The following ZFAT variants were observed in gnomAD, a reference collection of about 807,000 sequenced individuals.
The protein encoded by ZFAT is zinc finger protein ZFAT.
Under a neutral mutation model 117.7 loss-of-function variants are expected in ZFAT, and 64 were observed. The observed-to-expected ratio is 0.54, with a 90% CI of 0.44 to 0.67. The LOEUF (loss-of-function observed/expected upper bound fraction) is 0.67, where lower values mean the gene tolerates loss of function less well. Ranked by LOEUF, ZFAT falls within the 30% of genes least tolerant of loss-of-function variation. The pLI, the probability that ZFAT is intolerant of heterozygous loss-of-function variation, is 0.00. For synonymous variants in ZFAT, 679 were observed against 615.0 expected (o/e 1.10, Z -1.54); for missense variants, 1,433 against 1,584.5 (o/e 0.90, Z 1.62).
chr8:134,680,476 G>T (rs962772201), intron 1 of ZFAT, among the ~76,000 whole-genome samples: 1 of 152,080 alleles, frequency 6.6e-6, no homozygotes, highest in Non-Finnish European at 1.5e-5. Flanking sequence ...ACATATTTGA[G>T]TACCTTTTTT....
intron 1 of ZFAT, among the ~76,000 whole-genome samples, chr8:134,668,083 C>T (rs924457336): frequency 6.6e-6 from 1 of 152,178 alleles, no homozygotes; most frequent in Non-Finnish European, 1.5e-5. Context: ...ATTGCTGAGG[C>T]TTGAGTAGGT....
intron 1 of ZFAT, among the ~76,000 whole-genome samples, chr8:134,661,869 A>G (rs1831950766): frequency 6.6e-6 from 1 of 152,166 alleles, no homozygotes; most frequent in South Asian, 2.1e-4. Context: ...AGGCAGCGCA[A>G]GACGGGGTGG....
At chr8:134,683,263 C>CA (rs1488560893) in intron 1 of ZFAT, among the ~76,000 whole-genome samples, 2 of 152,094 alleles carry the variant, frequency 1.3e-5, no homozygotes, top group Admixed American at 1.3e-4. Context: ...GTGTCAGACA[C>CA]AAAGATATGA....
rs966951803 is a variant in ZFAT, at chr8:134,634,952, T to C, written c.448+2509A>G. ...CTGTTCCACCTCAGATCTCAAGCAT[T>C]AGATTCTCAATAAGGAGCACGCAAC... is the stretch of plus-strand genomic sequence containing the variant. On this transcript the variant is annotated intron_variant, in intron 3 of 15. Transcript: ENST00000377838. Among the ~76,000 whole-genome samples, 5 of 152,184 alleles carry C rather than the reference T, an allele frequency of 3.3e-5. No individual in the cohort carries two copies. In the South Asian group the frequency reaches 1.0e-3, roughly 32 times the overall value.
rs151134115 is a variant in ZFAT at position 134,548,991 on chromosome 8, C to T, written c.2977-16019G>A. Among the ~76,000 whole-genome samples, 647 of 152,332 alleles carry T rather than the reference C, an allele frequency of 4.2e-3. 2 individuals carry two copies. The highest frequency in any genetic ancestry group is 6.5e-3 in the Non-Finnish European group (445 of 68,034). On this transcript the variant is annotated intron_variant, in intron 11 of 15. Transcript: ENST00000377838. The stretch of plus-strand genomic sequence containing the variant: ...CGTCACTACTCCACGTTAACTGTGC[C>T]CACGAGAAACTTCTTTTCCACTCGG...
intron 1 of ZFAT, among the ~76,000 whole-genome samples, chr8:134,663,958 C>T (rs985386927): frequency 6.6e-6 from 1 of 152,248 alleles, no homozygotes; most frequent in African/African-American, 2.4e-5. Context: ...GAAGCTGAGT[C>T]GCACGCTGCA....
At chr8:134,698,897 T>A (rs1041932323) in intron 1 of ZFAT, among the ~76,000 whole-genome samples, 1 of 152,200 alleles carries the variant, frequency 6.6e-6, no homozygotes, top group Admixed American at 6.5e-5. Flanking sequence ...AGTCTTCCCA[T>A]TAGAGAGCAA....
At chr8:134,806,280 C>T in the ZFAT span, among the ~76,000 whole-genome samples, 1 of 152,166 alleles carries the variant, frequency 6.6e-6, no homozygotes, top group South Asian at 2.1e-4. Flanking sequence ...TTAACGGTTG[C>T]TCTCTGAAAT....
the ZFAT span, among the ~76,000 whole-genome samples, chr8:134,779,650 T>G: frequency 3.9e-5 from 6 of 152,188 alleles, no homozygotes; most frequent in East Asian, 7.7e-4. Context: ...TAAAAATCAT[T>G]GCCAAAAGAC....
intron 6 of ZFAT, 66 bp from the exon 7 acceptor site, chr8:134,600,734 T>C: frequency 7.7e-7 from 1 of 1,296,772 alleles, no homozygotes. Flanking sequence ...TTTTTTAAAT[T>C]ATTATTATTT....
At chr8:134,564,966 C>T (rs987719745) in intron 11 of ZFAT, 44 of 1,232,062 alleles carry the variant, frequency 3.6e-5, no homozygotes, top group Non-Finnish European at 4.6e-5. Flanking sequence ...TTCATCACAC[C>T]TGCTTTATCG....
intron 1 of ZFAT, among the ~76,000 whole-genome samples, chr8:134,704,610 A>G (rs1834099344): frequency 6.6e-6 from 1 of 152,220 alleles, no homozygotes; most frequent in Non-Finnish European, 1.5e-5. Context: ...ATACTTCAAA[A>G]ATTACTATAA....
chr8:134,634,955 A>G (rs1830113261), intron 3 of ZFAT, among the ~76,000 whole-genome samples: 1 of 152,164 alleles, frequency 6.6e-6, no homozygotes. Flanking sequence ...CAAGCATTAG[A>G]TTCTCAATAA....
intron 9 of ZFAT, among the ~76,000 whole-genome samples, chr8:134,587,773 G>T (rs981569563): frequency 6.6e-6 from 1 of 152,132 alleles, no homozygotes; most frequent in Non-Finnish European, 1.5e-5. Flanking sequence ...TCTCCATTCT[G>T]CCCTTCCACC....
intron 11 of ZFAT, among the ~76,000 whole-genome samples, chr8:134,541,764 A>G (rs982769200): frequency 2.0e-5 from 3 of 152,218 alleles, no homozygotes; most frequent in African/African-American, 7.2e-5. Flanking sequence ...AAAATATGTC[A>G]TCAACTCACA....
chr8:134,773,812 G>A, the ZFAT span, among the ~76,000 whole-genome samples: 3 of 152,128 alleles, frequency 2.0e-5, no homozygotes, highest in Non-Finnish European at 2.9e-5. Flanking sequence ...GCAATGTCAT[G>A]ATAAAACTTG....
At chr8:134,491,517 T>C (rs1256633075) in intron 15 of ZFAT, among the ~76,000 whole-genome samples, 2 of 152,250 alleles carry the variant, frequency 1.3e-5, no homozygotes, top group East Asian at 3.8e-4. Flanking sequence ...TGGGTCTCAC[T>C]GAGCTAAAAT....
chr8:134,653,292 C>CAAA (rs1261978262), intron 2 of ZFAT, among the ~76,000 whole-genome samples: 1 of 102,596 alleles, frequency 9.7e-6, no homozygotes, highest in Admixed American at 1.1e-4. Flanking sequence ...AAAAAAAAAA[C>CAAA]AAAAAACAGG....
rs148751007 is a variant in ZFAT at position 134,548,037 on chromosome 8, G to A, written c.2977-15065C>T. On this transcript the variant is annotated intron_variant, in intron 11 of 15. Transcript: ENST00000377838. ...CCCAGAAACAGAGGATCTGTTGAAC[G>A]CTGTTCCCTTGTGGCTCCAAGCCCT... Among the ~76,000 whole-genome samples the A allele has an allele frequency of 2.2e-3, 334 of 152,284 alleles. 1 individual carries two copies. The highest frequency in any genetic ancestry group is 0.017 in the Middle Eastern group (5 of 294).
Sources: allele counts gnomAD v4.1 joint callset (sites outside exome capture counted in the v4.1 genomes callset), GRCh38; gene constraint gnomAD v4.1.1; transcripts MANE v1.5; gene names NCBI Gene and HGNC (gene_info 2026-07-23, HGNC 2026-07-21).